POFUT2: variants seen among roughly 807,000 people sequenced by gnomAD.
The protein encoded by POFUT2 is GDP-fucose protein O-fucosyltransferase 2.
In POFUT2, 30 loss-of-function variants were observed where a neutral mutation model predicts 55.0. The observed-to-expected ratio is 0.55, with a 90% CI of 0.41 to 0.74. The LOEUF is 0.74. Ranked by LOEUF, POFUT2 falls within the 30% of genes least tolerant of loss-of-function variation. POFUT2 has a pLI of 0.00. For missense variants in POFUT2, 524 were observed against 562.6 expected, an observed-to-expected ratio of 0.93 and a Z score of 0.69; for synonymous variants, 267 against 231.1, an observed-to-expected ratio of 1.16 and a Z score of -1.41.
At position 45,282,432 on chromosome 21, in the gene POFUT2, G is replaced by C. The variant is rs1471382747; in HGVS notation, c.555C>G (p.Thr185=). 6.2e-7 allele frequency: 1 copy of C among 1,611,766 alleles called. No individual in the cohort carries two copies. The highest frequency in any genetic ancestry group is 1.1e-5 in the South Asian group (1 of 91,044). The change falls in exon 4 of 9, where the codon ACC becomes ACG. Residue 185 remains threonine (T), a synonymous_variant. Transcript: ENST00000349485. The surrounding 1 kb of genome is among the most constrained non-coding windows in gnomAD (Gnocchi z 4.6). ...YRGWFWGYEE[T]RGLNVSCLSV... ...ACAGACAGGAGACGTTTAGACCCCT[G>C]GTCTCCTCATAACCCCAAAACCATC...
rs2093164301 is a variant in POFUT2 at position 45,267,251 on chromosome 21, A to C, written c.1136+339T>G. 11 of 1,431,832 alleles carry C rather than the reference A, an allele frequency of 7.7e-6. No individual in the cohort carries two copies. In the South Asian group the frequency reaches 1.5e-4, roughly 20 times the overall value. 88.7% of individuals were successfully genotyped at this position (1,431,832 alleles called of 1,614,324 possible). ...ACAAGGACATGCCCAAGTCCAGGGC[A>C]CGGGCAACTCTCAGGGCAGGGGGCA... On this transcript the variant is annotated intron_variant, in intron 8 of 8. Transcript: ENST00000349485. The surrounding 1 kb of genome is among the most constrained non-coding windows in gnomAD (Gnocchi z 4.4).
At chr21:45,268,638 C>T (rs2093181522) in intron 7 of POFUT2, among the ~76,000 whole-genome samples, 1 of 151,718 alleles carries the variant, frequency 6.6e-6, no homozygotes, top group South Asian at 2.1e-4. Flanking sequence ...CCCCGCCGCC[C>T]CATCTGGGAT....
At chr21:45,271,587 G>C (rs1015200860) in intron 6 of POFUT2, among the ~76,000 whole-genome samples, 2 of 152,122 alleles carry the variant, frequency 1.3e-5, no homozygotes, top group African/African-American at 4.8e-5. Flanking sequence ...CATCTCCTAG[G>C]CACACAGTCA....
rs891463400 is a variant in POFUT2 at position 45,266,536 on chromosome 21, C to T, written c.1137-901G>A. ...GCTGCGGAGACAGCACCGCCAAGGT[C>T]GCAGTCAAAATCCCAAGGCCACACC... On this transcript the variant is annotated intron_variant, in intron 8 of 8. Coordinates refer to ENST00000349485, the MANE Select transcript of POFUT2 (RefSeq NM_133635.6). 17 of 1,073,408 alleles carry T rather than the reference C, an allele frequency of 1.6e-5. No homozygotes were observed. In the African/African-American group the frequency reaches 2.0e-4, roughly 13 times the overall value. The allele number at this position is 1,073,408 out of a possible 1,614,324, so 66.5% of individuals were successfully genotyped here.
In POFUT2 at chr21:45,264,120, C is replaced by T. The variant is rs2146526736; in HGVS notation, c.*1362G>A. On this transcript the variant is annotated 3_prime_UTR_variant, in exon 9 of 9. Coordinates refer to ENST00000349485, the MANE Select transcript of POFUT2 (RefSeq NM_133635.6). ...TTTGAGTAACACCATAGGACCCTGT[C>T]ACACGTTCAGGGTCAATTTTAAAAG... 6.6e-6 allele frequency: 1 copy of T among 152,374 alleles called. No individual in the cohort carries two copies. Among genetic ancestry groups the T allele is most frequent in the Middle Eastern group, 3.4e-3 (1 of 294 alleles). 9.4% of individuals were successfully genotyped at this position (152,374 alleles called of 1,614,324 possible).
Position 45,285,832 on chromosome 21 carries a change from C to A in POFUT2, c.228G>T (p.Thr76=). ...IASLLKTLLK[T]EEWVLVLPPW... ...GAGGCAGGACAAGCACCCACTCCTC[C>A]GTCTTCAGCAGAGTCTTCAGGAGAG... Residue 76 remains threonine, a synonymous_variant, in exon 2 of 9, where the codon ACG becomes ACT. Transcript: ENST00000349485. This position sits in a 1 kb window ranked among gnomAD's most constrained non-coding sequence, Gnocchi z 4.9. The A allele has an allele frequency of 6.2e-7, 1 of 1,613,506 alleles. No homozygotes were observed. Among genetic ancestry groups the A allele is most frequent in the Non-Finnish European group, 8.5e-7 (1 of 1,179,996 alleles).
Position 45,281,529 on chromosome 21 carries a change from C to A in POFUT2, c.638+820G>T, listed in dbSNP as rs146794093. On this transcript the variant is annotated intron_variant, in intron 4 of 8. Coordinates refer to ENST00000349485, the MANE Select transcript of POFUT2 (RefSeq NM_133635.6). The surrounding 1 kb of genome is among the most constrained non-coding windows in gnomAD (Gnocchi z 5.0). Reference sequence around the variant, plus strand: ...GCTGAGACCATGTGGTCCCGGCCCGCTGGGGCCAGCGGCAGCTGTTACTGA... The same window carrying A: ...GCTGAGACCATGTGGTCCCGGCCCGATGGGGCCAGCGGCAGCTGTTACTGA... Among the ~76,000 whole-genome samples, 525 of 152,234 alleles carry A rather than the reference C, an allele frequency of 3.4e-3. 5 individuals carry two copies. Among genetic ancestry groups the A allele is most frequent in the African/African-American group, 0.012 (487 of 41,548 alleles).
intron 6 of POFUT2, among the ~76,000 whole-genome samples, chr21:45,274,940 A>G (rs550207389): frequency 6.6e-6 from 1 of 152,348 alleles, no homozygotes; most frequent in South Asian, 2.1e-4. Flanking sequence ...TAGATAGGGC[A>G]TAATTAAACT....
Position 45,270,207 on chromosome 21 carries a change from C to A in POFUT2, c.832-188G>T. 2.4e-6 allele frequency: 1 copy of A among 416,090 alleles called. No individual in the cohort carries two copies. The highest frequency in any genetic ancestry group is 4.2e-6 in the Non-Finnish European group (1 of 238,306). The allele number at this position is 416,090 out of a possible 1,614,324, so 25.8% of individuals were successfully genotyped here. ...GCGACCAGATGTCTTTCTAAGAAGA[C>A]AGTGAAGCAGTATTAATTACCAGAA... On this transcript the variant is annotated intron_variant, in intron 6 of 8. Coordinates refer to ENST00000349485, the MANE Select transcript of POFUT2 (RefSeq NM_133635.6). This position sits in a 1 kb window ranked among gnomAD's most constrained non-coding sequence, Gnocchi z 4.6.
intron 7 of POFUT2, among the ~76,000 whole-genome samples, chr21:45,269,135 C>T (rs2093192706): frequency 1.3e-5 from 2 of 149,372 alleles, no homozygotes; most frequent in Non-Finnish European, 3.0e-5. Flanking sequence ...CCCCTCTGCC[C>T]GGCCAGCCGC....
chr21:45,278,598 A>T (rs750349697), intron 4 of POFUT2, among the ~76,000 whole-genome samples: 37 of 152,224 alleles, frequency 2.4e-4, no homozygotes, highest in Non-Finnish European at 4.6e-4. Context: ...TCGAGCTCAA[A>T]GCCGGAGCTG....
At position 45,284,159 on chromosome 21, in the gene POFUT2, G is replaced by A. The variant is rs182334004; in HGVS notation, c.383-632C>T. Among the ~76,000 whole-genome samples, 5 of 151,846 alleles carry A rather than the reference G, an allele frequency of 3.3e-5. No homozygotes were observed. The highest frequency in any genetic ancestry group is 3.3e-4 in the Admixed American group (5 of 15,224). ...TGAAGTTCTGGGGCAGGAACAAAGC[G>A]GGAGGGAGCACCGCGCAGGTGAAAT... On this transcript the variant is annotated intron_variant, in intron 2 of 8. Transcript: ENST00000349485. The surrounding 1 kb of genome is among the most constrained non-coding windows in gnomAD (Gnocchi z 5.8).
In POFUT2 at chr21:45,267,649, C is replaced by G. The variant is rs1399644839; in HGVS notation, c.1077G>C (p.Leu359=). Reference sequence around the variant, plus strand: ...CAACGCCTCCGTCCTTGTAGAGCTCCAGCTCCTCCCACGTGGGTTCAAACC... The same window carrying G: ...CAACGCCTCCGTCCTTGTAGAGCTCGAGCTCCTCCCACGTGGGTTCAAACC... ...MVRFEPTWEE[L]ELYKDGGVAI... is the part of the protein sequence containing the mutation. The change falls in exon 8 of 9, where the codon CTG becomes CTC. Residue 359 remains leucine (L), a synonymous_variant. Coordinates refer to ENST00000349485, the MANE Select transcript of POFUT2 (RefSeq NM_133635.6). This position sits in a 1 kb window ranked among gnomAD's most constrained non-coding sequence, Gnocchi z 4.4. The G allele has an allele frequency of 6.2e-7, 1 of 1,614,116 alleles. No homozygotes were observed. The highest frequency in any genetic ancestry group is 1.3e-5 in the African/African-American group (1 of 74,944).
rs2093170609 is a variant in POFUT2, at chr21:45,267,793, G to A, written c.1013-80C>T. On this transcript the variant is annotated intron_variant, in intron 7 of 8. Coordinates refer to ENST00000349485, the MANE Select transcript of POFUT2 (RefSeq NM_133635.6). This position sits in a 1 kb window ranked among gnomAD's most constrained non-coding sequence, Gnocchi z 4.4. ...ACGTGACTCTTTAGCAGACAGACAT[G>A]CGTACTTGGCTTCTGGTTAATTCGT... 7.9e-7 allele frequency: 1 copy of A among 1,264,678 alleles called. No individual in the cohort carries two copies. Among genetic ancestry groups the A allele is most frequent in the Non-Finnish European group, 1.1e-6 (1 of 884,834 alleles). 78.3% of individuals were successfully genotyped at this position (1,264,678 alleles called of 1,614,324 possible).
At position 45,285,788 on chromosome 21, in the gene POFUT2, T is replaced by C; in HGVS notation, c.272A>G (p.His91Arg). The C allele has an allele frequency of 6.2e-7, 1 of 1,613,756 alleles. No individual in the cohort carries two copies. The highest frequency in any genetic ancestry group is 8.5e-7 in the Non-Finnish European group (1 of 1,180,020). The part of the protein sequence containing the change: ...LVLPPWGRLY[H>R]WQSPDIHQVR... ...CTGGTGGATGTCAGGACTCTGCCAG[T>C]GATAGAGGCGGCCCCATGGAGGCAG... Residue 91 changes from histidine to arginine, a missense_variant, in exon 2 of 9, where the codon CAC becomes CGC. Physicochemically the swap from His to Arg is conservative, Grantham distance 29. Transcript: ENST00000349485. The surrounding 1 kb of genome is among the most constrained non-coding windows in gnomAD (Gnocchi z 4.9).
intron 8 of POFUT2, chr21:45,266,174 G>C (rs376967713): frequency 7.3e-7 from 1 of 1,367,326 alleles, no homozygotes; most frequent in Non-Finnish European, 9.8e-7. Context: ...CGGCCTGCCC[G>C]TTCCTCCGGC....
In POFUT2 at chr21:45,282,287, C is replaced by A. The variant is rs1444696725; in HGVS notation, c.638+62G>T. 7 of 1,076,218 alleles carry A rather than the reference C, an allele frequency of 6.5e-6. No individual in the cohort carries two copies. In the African/African-American group the frequency reaches 9.4e-5, roughly 14 times the overall value. The allele number at this position is 1,076,218 out of a possible 1,614,324, so 66.7% of individuals were successfully genotyped here. ...GAGTATGGGCGGAGAGCCCCCAGCC[C>A]AGCATGCACGGAGCAGACGCCACAG... is the stretch of plus-strand genomic sequence containing the variant. On this transcript the variant is annotated intron_variant, in intron 4 of 8. Transcript: ENST00000349485. This position sits in a 1 kb window ranked among gnomAD's most constrained non-coding sequence, Gnocchi z 4.6.
Position 45,277,260 on chromosome 21 carries a change from C to A in POFUT2, c.706-118G>T. 1.5e-6 allele frequency: 2 copies of A among 1,316,856 alleles called. No homozygotes were observed. The highest frequency in any genetic ancestry group is 2.5e-5 in the East Asian group (1 of 40,042). 81.6% of individuals were successfully genotyped at this position (1,316,856 alleles called of 1,614,324 possible). A position where few individuals can be genotyped will look rare whatever the true frequency, so the allele number is the denominator to read the frequency against. On this transcript the variant is annotated intron_variant, in intron 5 of 8. Transcript: ENST00000349485. The surrounding 1 kb of genome is among the most constrained non-coding windows in gnomAD (Gnocchi z 6.9). ...CCGCAGCTGGAACAAGCCCCTCAGA[C>A]ACGTCATCCACGGTCGCCTGAGAAG...
chr21:45,278,025 G>A (rs748366599), intron 5 of POFUT2, 78 bp downstream of exon 5: 42 of 1,125,816 alleles, frequency 3.7e-5, no homozygotes, highest in Non-Finnish European at 5.0e-5. Flanking sequence ...AAGAGCTGTC[G>A]ACTGTTTTAA....
Sources: allele counts gnomAD v4.1 joint callset (sites outside exome capture counted in the v4.1 genomes callset), GRCh38; gene constraint gnomAD v4.1.1; non-coding constraint Gnocchi (gnomAD v3.1); transcripts MANE v1.5; gene names NCBI Gene and HGNC (gene_info 2026-07-23, HGNC 2026-07-21).